The following BPIFB3 variants were observed in gnomAD, a reference collection of about 807,000 sequenced individuals.
The protein encoded by BPIFB3 is BPI fold-containing family B member 3.
BPIFB3 carries 49 observed loss-of-function variants against 53.1 expected under a neutral mutation model. The ratio of observed to expected loss-of-function variants is 0.92; its 90% CI spans 0.73 to 1.17. BPIFB3 has a LOEUF of 1.17. Among genes scored for constraint, BPIFB3 ranks in the 50% most tolerant of loss-of-function variants. The pLI is 0.00. For missense variants in BPIFB3, 628 were observed against 592.5 expected, an observed-to-expected ratio of 1.06 and a Z score of -0.62; for synonymous variants, 271 against 269.6, an observed-to-expected ratio of 1.01 and a Z score of -0.05.
In BPIFB3 at chr20:33,073,541, T is replaced by C. The variant is rs200613397; in HGVS notation, c.1402-35T>C. The C allele has an allele frequency of 1.8e-4, 283 of 1,613,578 alleles. No individual in the cohort carries two copies. In the African/African-American group the frequency reaches 2.9e-3, roughly 16 times the overall value. ...TGCAGGGATGGGGCATTGCAGAGAC[T>C]CAGGGGTGTAACCAAGAGCGGTTGT... is the stretch of plus-strand genomic sequence containing the variant. On this transcript the variant is annotated intron_variant, in intron 14 of 14. Transcript: ENST00000375494.
chr20:33,069,811 C>T (rs1009988613), intron 10 of BPIFB3, 77 bp from the exon 12 acceptor site: 1 of 1,447,958 alleles, frequency 6.9e-7, no homozygotes. Flanking sequence ...GTGGACGGAA[C>T]AGATGGATGG....
downstream of BPIFB3, chr20:33,073,677 T>C: frequency 6.4e-7 from 1 of 1,556,118 alleles, no homozygotes; most frequent in Non-Finnish European, 8.8e-7. Flanking sequence ...TCAATTTCCC[T>C]CCCAGTCTCT....
chr20:33,067,248 G>A (rs1190214502), intron 9 of BPIFB3, among the ~76,000 whole-genome samples: 3 of 152,202 alleles, frequency 2.0e-5, no homozygotes, highest in African/African-American at 4.8e-5. Flanking sequence ...GTCTTGGAGA[G>A]GAAAGAAAAG....
At chr20:33,072,618 G>C in intron 13 of BPIFB3, 99 bp from the exon 15 acceptor site, 3 of 992,540 alleles carry the variant, frequency 3.0e-6, no homozygotes, top group Non-Finnish European at 4.7e-6. Flanking sequence ...TGGCTGGCTA[G>C]TGAAAGTGAT....
At chr20:33,057,035 G>T (rs1328866579) in intron 2 of BPIFB3, among the ~76,000 whole-genome samples, 2 of 152,100 alleles carry the variant, frequency 1.3e-5, no homozygotes. Flanking sequence ...GGGCTGATTA[G>T]CCCTTTCTTA....
At chr20:33,069,161 C>T (rs570335998) in intron 10 of BPIFB3, among the ~76,000 whole-genome samples, 188 bp downstream of exon 11, 1 of 152,272 alleles carries the variant, frequency 6.6e-6, no homozygotes, top group South Asian at 2.1e-4. Flanking sequence ...TGCTTCAGTT[C>T]CTGCCTGCTC....
chr20:33,070,335 C>T (rs1235997292), intron 11 of BPIFB3, among the ~76,000 whole-genome samples: 1 of 152,202 alleles, frequency 6.6e-6, no homozygotes, highest in Non-Finnish European at 1.5e-5. Flanking sequence ...GGACTTGTTA[C>T]TTGTTACTTC....
chr20:33,068,382 A>G (rs1230851844), intron 9 of BPIFB3, among the ~76,000 whole-genome samples: 1 of 152,222 alleles, frequency 6.6e-6, no homozygotes, highest in Admixed American at 6.5e-5. Context: ...CTCTGGGAAG[A>G]TATTTCCAGG....
In BPIFB3 at chr20:33,072,707, C is replaced by G. The variant is rs890787066; in HGVS notation, c.1325-10C>G. On this transcript the variant is annotated splice_polypyrimidine_tract_variant and intron_variant, in intron 13 of 14. Coordinates refer to ENST00000375494, the Ensembl canonical transcript of BPIFB3. Reference sequence around the variant, plus strand: ...ATGTACCTTTGTTTTCAACGATTCTCTTTTCACAGTGGCCCTGGATGTTGG... The same window carrying G: ...ATGTACCTTTGTTTTCAACGATTCTGTTTTCACAGTGGCCCTGGATGTTGG... The G allele has an allele frequency of 1.9e-6, 3 of 1,610,662 alleles. No homozygotes were observed. The highest frequency in any genetic ancestry group is 2.7e-5 in the African/African-American group (2 of 74,880).
chr20:33,061,661 G>A, intron 4 of BPIFB3, 107 bp from the exon 6 acceptor site: 1 of 1,115,034 alleles, frequency 9.0e-7, no homozygotes, highest in East Asian at 2.6e-5. Context: ...CCACCCCCAA[G>A]AGAAGGGAGA....
exon 1 of BPIFB3, chr20:33,055,473 T>G: frequency 6.2e-7 from 1 of 1,613,810 alleles, no homozygotes; most frequent in Non-Finnish European, 8.5e-7. Context: ...CTCTGGGGCC[T>G]GGCGACTCCA....
At position 33,057,400 on chromosome 20, in the gene BPIFB3, G is replaced by T. The variant is rs577407373; in HGVS notation, c.281+702G>T. ...GAAGAAGTTACATCATGTTGGTCAG[G>T]GTGGTCTTGAACTCCTGATCTCAGG... On this transcript the variant is annotated intron_variant, in intron 2 of 14. Transcript: ENST00000375494. 3.3e-5 allele frequency among the ~76,000 whole-genome samples: 5 copies of T among 150,470 alleles called. No homozygotes were observed. In the South Asian group the frequency reaches 8.5e-4, roughly 26 times the overall value.
At chr20:33,071,044 G>A (rs1044285061) in intron 11 of BPIFB3, among the ~76,000 whole-genome samples, 4 of 152,148 alleles carry the variant, frequency 2.6e-5, no homozygotes, top group Non-Finnish European at 5.9e-5. Flanking sequence ...AGAGGTGGTG[G>A]TCATGATGCC....
At chr20:33,067,440 T>C (rs1190962063) in intron 9 of BPIFB3, among the ~76,000 whole-genome samples, 1 of 151,986 alleles carries the variant, frequency 6.6e-6, no homozygotes, top group Non-Finnish European at 1.5e-5. Flanking sequence ...CTGAAAGAGG[T>C]TGGAAAGAGG....
chr20:33,060,074 A>T, intron 4 of BPIFB3, 43 bp downstream of exon 5: 1 of 1,601,088 alleles, frequency 6.2e-7, no homozygotes, highest in Non-Finnish European at 8.5e-7. Flanking sequence ...CCCGCTCAGG[A>T]TCATCTCGCA....
At chr20:33,065,737 C>CA (rs766996846) in intron 8 of BPIFB3, among the ~76,000 whole-genome samples, 6 of 152,138 alleles carry the variant, frequency 3.9e-5, no homozygotes, top group Non-Finnish European at 8.8e-5. Context: ...CTGGAAAGCC[C>CA]AGACCCCAGA....
chr20:33,059,418 A>G, exon 3 of BPIFB3: 3 of 1,613,000 alleles, frequency 1.9e-6, no homozygotes, highest in Non-Finnish European at 1.7e-6. Flanking sequence ...GGTGTTGCTG[A>G]AGCTGCTGCC....
chr20:33,070,612 G>A (rs1980845350), intron 11 of BPIFB3, among the ~76,000 whole-genome samples: 1 of 152,236 alleles, frequency 6.6e-6, no homozygotes, highest in African/African-American at 2.4e-5. Flanking sequence ...TCCCCTGGCA[G>A]TAGGGACTTT....
At chr20:33,061,700 C>T (rs995738539) in intron 4 of BPIFB3, 68 bp from the exon 6 acceptor site, 1 of 1,504,564 alleles carries the variant, frequency 6.6e-7, no homozygotes, top group Non-Finnish European at 9.2e-7. Context: ...TAGTGTCCGC[C>T]CGACCCTGTC....
Sources: gnomAD v4.1 joint callset for allele counts (sites outside exome capture counted in the v4.1 genomes callset) on GRCh38, gnomAD v4.1.1 for gene constraint, MANE v1.5 for transcripts, NCBI Gene and HGNC (gene_info 2026-07-23, HGNC 2026-07-21) for gene names.